The following SACM1L variants were observed in gnomAD, a reference collection of about 807,000 sequenced individuals.
SACM1L encodes the protein phosphatidylinositol-3-phosphatase SAC1.
In SACM1L, 32 loss-of-function variants were observed where a neutral mutation model predicts 89.5. The ratio of observed to expected loss-of-function variants is 0.36; its 90% CI spans 0.27 to 0.48. The LOEUF (loss-of-function observed/expected upper bound fraction) is 0.48. Ranked by LOEUF, SACM1L falls within the 20% of genes least tolerant of loss-of-function variation. The probability of loss-of-function intolerance (pLI) is 0.99; values close to 1 mark genes in which losing one functional copy is unlikely to be tolerated. For synonymous variants in SACM1L, 213 were observed against 232.8 expected (o/e 0.92, Z 0.77); for missense variants, 543 against 708.5 (o/e 0.77, Z 2.65).
chr3:45,726,734 G>A (rs1463061932), intron 11 of SACM1L, among the ~76,000 whole-genome samples: 1 of 151,746 alleles, frequency 6.6e-6, no homozygotes, highest in African/African-American at 2.4e-5. Context: ...ATTTCCTCCG[G>A]TAGCTTTGGG....
intron 12 of SACM1L, among the ~76,000 whole-genome samples, chr3:45,731,813 T>C (rs575536813): frequency 6.6e-6 from 1 of 152,342 alleles, no homozygotes; most frequent in South Asian, 2.1e-4. Flanking sequence ...TATATTTTCA[T>C]GTTTATATCT....
chr3:45,713,504 G>A, intron 6 of SACM1L: 1 of 206,798 alleles, frequency 4.8e-6, no homozygotes, highest in Non-Finnish European at 9.6e-6. Flanking sequence ...AAGTTTCCTG[G>A]CCAAGGGGAG....
At position 45,723,549 on chromosome 3, in the gene SACM1L, T is replaced by A. The variant is rs1316468309; in HGVS notation, c.921+6T>A. The A allele has an allele frequency of 7.3e-7, 1 of 1,368,490 alleles. No individual in the cohort carries two copies. The allele number at this position is 1,368,490 out of a possible 1,614,324, so 84.8% of individuals were successfully genotyped here. A position where few individuals can be genotyped will look rare whatever the true frequency, so the allele number is the denominator to read the frequency against. On this transcript the variant is annotated splice_donor_region_variant and intron_variant, in intron 11 of 19. Transcript: ENST00000389061. ...AACAAGTTATAATCAATCTGGTATG[T>A]TTCTTATGTTTCTTGGGGGGAAAAA...
chr3:45,742,283 T>C (rs1345957200), intron 19 of SACM1L, among the ~76,000 whole-genome samples: 1 of 152,216 alleles, frequency 6.6e-6, no homozygotes, highest in East Asian at 1.9e-4. Flanking sequence ...TTGGATGCTG[T>C]GGATGGTAAC....
chr3:45,722,596 AT>A (rs142049893), intron 9 of SACM1L, among the ~76,000 whole-genome samples: 1 of 152,348 alleles, frequency 6.6e-6, no homozygotes, highest in Non-Finnish European at 1.5e-5. Flanking sequence ...TAACCTGTTA[AT>A]TTTTACTCAT....
At chr3:45,717,845 G>A (rs1349918206) in intron 7 of SACM1L, among the ~76,000 whole-genome samples, 1 of 152,234 alleles carries the variant, frequency 6.6e-6, no homozygotes, top group Non-Finnish European at 1.5e-5. Flanking sequence ...GGGCCCAAGA[G>A]TTTGAGGCTG....
At chr3:45,719,659 A>G in intron 8 of SACM1L, 58 bp downstream of exon 8, 3 of 937,804 alleles carry the variant, frequency 3.2e-6, no homozygotes, top group Non-Finnish European at 3.3e-6. Flanking sequence ...TTACGGTGAC[A>G]CGAATGTAAC....
chr3:45,703,518 C>T lies in SACM1L; in HGVS notation c.113C>T (p.Thr38Ile), dbSNP rs1222011199. 1 of 1,611,118 alleles carries T rather than the reference C, an allele frequency of 6.2e-7. No individual in the cohort carries two copies. ...GTACTTACCATTGACCGTGTGTCCA[C>T]AGAGGTTACCCTTGCAGGTATTTTA... ...DDVLTIDRVS[T>I]EVTLAVKKDV... The change falls in exon 2 of 20, where the codon ACA (threonine) becomes ATA (isoleucine). Residue 38 changes from threonine (T) to isoleucine (I), a missense_variant. Coordinates refer to ENST00000389061, the MANE Select transcript of SACM1L (RefSeq NM_014016.5).
chr3:45,724,871 G>A (rs1698881932), intron 11 of SACM1L, among the ~76,000 whole-genome samples: 1 of 152,156 alleles, frequency 6.6e-6, no homozygotes, highest in Admixed American at 6.6e-5. Context: ...TGTATATGGT[G>A]TAGGTGTAAG....
At chr3:45,731,828 A>C (rs2253979) in intron 12 of SACM1L, among the ~76,000 whole-genome samples, 18 of 152,102 alleles carry the variant, frequency 1.2e-4, no homozygotes, top group Admixed American at 7.9e-4. Flanking sequence ...ATATCTGCAC[A>C]TATCATATAT....
intron 7 of SACM1L, among the ~76,000 whole-genome samples, chr3:45,716,528 T>G (rs75265958): frequency 0.031 from 4,657 of 152,112 alleles, 128 homozygotes; most frequent in Non-Finnish European, 0.037. Flanking sequence ...TATCCAAGAA[T>G]GTGTGAGGTG....
intron 1 of SACM1L, among the ~76,000 whole-genome samples, chr3:45,700,300 C>T (rs1698236563): frequency 1.3e-5 from 2 of 152,064 alleles, no homozygotes; most frequent in Non-Finnish European, 2.9e-5. Context: ...GGCAACTGTC[C>T]CCCAAAATAC....
At chr3:45,708,058 A>C in intron 4 of SACM1L, among the ~76,000 whole-genome samples, 1 of 152,330 alleles carries the variant, frequency 6.6e-6, no homozygotes. Context: ...ATCTATAACT[A>C]ATATCTATAA....
chr3:45,740,685 CTT>C (rs1410998861), intron 19 of SACM1L, among the ~76,000 whole-genome samples: 1 of 152,132 alleles, frequency 6.6e-6, no homozygotes, highest in Non-Finnish European at 1.5e-5. Context: ...GCTAACCACT[CTT>C]AACATTTTGA....
chr3:45,743,826 G>A lies in SACM1L; in HGVS notation c.*157G>A. The A allele has an allele frequency of 1.6e-6, 1 of 622,382 alleles. No homozygotes were observed. Among genetic ancestry groups the A allele is most frequent in the Non-Finnish European group, 2.6e-6 (1 of 383,900 alleles). The allele number at this position is 622,382 out of a possible 1,614,324, so 38.6% of individuals were successfully genotyped here. ...TGCAGGATGATGACAGAATTGATCT[G>A]ATGTTACTGCCTTGATGGTCTCTTT... On this transcript the variant is annotated 3_prime_UTR_variant, in exon 20 of 20. Coordinates refer to ENST00000389061, the MANE Select transcript of SACM1L (RefSeq NM_014016.5).
chr3:45,719,478 T>C (rs1304128279), intron 7 of SACM1L, 22 bp from the exon 8 acceptor site: 8 of 1,317,548 alleles, frequency 6.1e-6, no homozygotes, highest in African/African-American at 1.5e-5. Flanking sequence ...TTATATGTTA[T>C]ATTTTTCTTA....
chr3:45,713,607 A>G, intron 6 of SACM1L: 1 of 165,554 alleles, frequency 6.0e-6, no homozygotes, highest in Non-Finnish European at 1.3e-5. Flanking sequence ...CTTTGTCTAC[A>G]CATATGAGGT....
At chr3:45,702,472 A>G (rs1239098512) in intron 1 of SACM1L, among the ~76,000 whole-genome samples, 1 of 152,188 alleles carries the variant, frequency 6.6e-6, no homozygotes, top group Non-Finnish European at 1.5e-5. Context: ...TGGAAAAAGA[A>G]ATAGTTCTTG....
intron 13 of SACM1L, among the ~76,000 whole-genome samples, chr3:45,732,747 A>G (rs1485717774): frequency 6.6e-6 from 1 of 152,170 alleles, no homozygotes; most frequent in African/African-American, 2.4e-5. Flanking sequence ...ATATTATCAT[A>G]TTGGTTCAGG....
Sources: allele counts gnomAD v4.1 joint callset (sites outside exome capture counted in the v4.1 genomes callset), GRCh38; gene constraint gnomAD v4.1.1; transcripts MANE v1.5; gene names NCBI Gene and HGNC (gene_info 2026-07-23, HGNC 2026-07-21).